Variants in OCIAD1 observed in about 807,000 individuals in gnomAD.
The protein encoded by OCIAD1 is OCIA domain containing 1.
Under a neutral mutation model 38.9 loss-of-function variants are expected in OCIAD1, and 29 were observed. The ratio of observed to expected loss-of-function variants is 0.74; its 90% CI spans 0.55 to 1.02. OCIAD1 has a LOEUF of 1.02. OCIAD1 is among the 50% of genes least tolerant of loss of function. The pLI is 0.00. For missense variants in OCIAD1, 288 were observed against 289.6 expected, an observed-to-expected ratio of 0.99 and a Z score of 0.04; for synonymous variants, 110 against 92.0, an observed-to-expected ratio of 1.20 and a Z score of -1.12.
At chr4:48,854,012 A>G (rs1286336764) in intron 7 of OCIAD1, among the ~76,000 whole-genome samples, 1 of 152,088 alleles carries the variant, frequency 6.6e-6, no homozygotes, top group Non-Finnish European at 1.5e-5. Context: ...AAGGAAGGGA[A>G]TGGGCAGATT....
intron 4 of OCIAD1, among the ~76,000 whole-genome samples, chr4:48,846,090 G>A (rs1778956963): frequency 6.6e-6 from 1 of 152,232 alleles, no homozygotes; most frequent in Non-Finnish European, 1.5e-5. Flanking sequence ...TTCCATGAGA[G>A]TAAAGAGTGT....
Position 48,842,667 on chromosome 4 carries a change from T to A in OCIAD1, c.171T>A (p.Ile57=). The A allele has an allele frequency of 6.4e-7, 1 of 1,569,184 alleles. No homozygotes were observed. The highest frequency in any genetic ancestry group is 8.6e-7 in the Non-Finnish European group (1 of 1,156,356). Residue 57 remains isoleucine, a synonymous_variant, in exon 4 of 9, where the codon ATT becomes ATA. Coordinates refer to ENST00000264312, the MANE Select transcript of OCIAD1 (RefSeq NM_017830.4). ...SVPLAATSML[I]TQGLISKGIL... is the part of the protein sequence containing the mutation. ...CTTTGGCTGCAACAAGTATGTTGAT[T>A]ACTCAAGGATTAATTAGTAAAGGTA...
chr4:48,833,350 CTAGTTTTAT>C (rs764957637), intron 2 of OCIAD1, 42 bp from the exon 3 acceptor site: 20 of 1,083,542 alleles, frequency 1.8e-5, no homozygotes, highest in Non-Finnish European at 2.5e-5. Flanking sequence ...TTTTTCAGAC[CTAGTTTTAT>C]TATGGATAAT....
intron 1 of OCIAD1, chr4:48,831,531 G>A (rs1777496924): frequency 5.1e-5 from 66 of 1,290,606 alleles, no homozygotes; most frequent in Non-Finnish European, 6.5e-5. Flanking sequence ...GATGGAGTGC[G>A]GTAATCAGCG....
At chr4:48,831,078 C>A, upstream of OCIAD1, 1 of 237,702 alleles carries the variant, frequency 4.2e-6, no homozygotes, top group Non-Finnish European at 8.6e-6. Flanking sequence ...CTCCGGGTCG[C>A]GGTCATTTTG....
chr4:48,853,214 A>G (rs1779700554), intron 7 of OCIAD1, among the ~76,000 whole-genome samples: 1 of 152,042 alleles, frequency 6.6e-6, no homozygotes, highest in South Asian at 2.1e-4. Context: ...TGGTAATAAA[A>G]TCTGACCTGA....
intron 6 of OCIAD1, among the ~76,000 whole-genome samples, chr4:48,850,334 C>G (rs1215137429): frequency 1.3e-5 from 2 of 152,208 alleles, no homozygotes; most frequent in South Asian, 2.1e-4. Context: ...TCCTAGCTCA[C>G]TGCAGCCTCA....
At chr4:48,809,440 T>G (rs926675595) in intron 1 of OCIAD1, among the ~76,000 whole-genome samples, 1 of 152,056 alleles carries the variant, frequency 6.6e-6, no homozygotes, top group Admixed American at 6.6e-5. Context: ...CAGGGAGTAC[T>G]GCTTGAACCC....
Position 48,849,952 on chromosome 4 carries a change from T to A in OCIAD1, c.247T>A (p.Cys83Ser). 1 of 1,602,008 alleles carries A rather than the reference T, an allele frequency of 6.2e-7. No individual in the cohort carries two copies. Among genetic ancestry groups the A allele is most frequent in the Non-Finnish European group, 8.5e-7 (1 of 1,176,666 alleles). Residue 83 changes from cysteine (C) to serine (S), a missense_variant, in exon 6 of 9, where the codon TGT becomes AGT. Coordinates refer to ENST00000264312, the MANE Select transcript of OCIAD1 (RefSeq NM_017830.4). ...TGTTTGATTTTACAAATAAGTTGCTTGTATCATGGGATACTTTGCTGGAAA... is the reference window on the plus strand; with the variant it reads ...TGTTTGATTTTACAAATAAGTTGCTAGTATCATGGGATACTTTGCTGGAAA... Reference protein sequence around the residue: ...YGSIPKLILACIMGYFAGKLS... With the variant: ...YGSIPKLILASIMGYFAGKLS...
At chr4:48,841,921 AGT>A (rs376787607) in intron 3 of OCIAD1, among the ~76,000 whole-genome samples, 45 of 152,334 alleles carry the variant, frequency 3.0e-4, no homozygotes, top group African/African-American at 1.1e-3. Context: ...AAAGAACATA[AGT>A]GTTTAAAATA....
intron 2 of OCIAD1, 56 bp downstream of exon 2, chr4:48,832,738 C>A: frequency 7.5e-7 from 1 of 1,326,664 alleles, no homozygotes; most frequent in Non-Finnish European, 1.1e-6. Flanking sequence ...AAGGAATTTT[C>A]ACTGCCTTGA....
chr4:48,828,031 C>T (rs113687935), upstream of OCIAD1, among the ~76,000 whole-genome samples: 80 of 152,224 alleles, frequency 5.3e-4, no homozygotes, highest in African/African-American at 1.7e-3. Context: ...CCAATCAGCA[C>T]TCTTTGTCTA....
intron 1 of OCIAD1, among the ~76,000 whole-genome samples, chr4:48,810,330 G>T (rs1392588761): frequency 6.6e-6 from 1 of 151,738 alleles, no homozygotes; most frequent in Non-Finnish European, 1.5e-5. Context: ...TTAGCCGGGC[G>T]CGGTGGCGGG....
rs565175871 is a variant in OCIAD1 at position 48,812,434 on chromosome 4, C to T, written c.-103+7104C>T. On this transcript the variant is annotated intron_variant, in intron 1 of 6. Coordinates refer to the OCIAD1 transcript ENST00000504654. ...CAAGGCCTGTCTGAGTCAAAGTGCA[C>T]CCCAAAATTTGGAAATCAGAAAGAC... 6.7e-5 allele frequency among the ~76,000 whole-genome samples: 10 copies of T among 150,044 alleles called. No homozygotes were observed. In the East Asian group the frequency reaches 1.2e-3, roughly 18 times the overall value.
At chr4:48,858,872 C>T (rs1304052870) in intron 8 of OCIAD1, among the ~76,000 whole-genome samples, 1 of 152,114 alleles carries the variant, frequency 6.6e-6, no homozygotes, top group Non-Finnish European at 1.5e-5. Context: ...ATACATTAGC[C>T]AAAGTAAATT....
In OCIAD1 at chr4:48,833,471, C is replaced by G; in HGVS notation, c.129C>G (p.Phe43Leu). The G allele has an allele frequency of 6.3e-7, 1 of 1,594,862 alleles. No homozygotes were observed. The highest frequency in any genetic ancestry group is 8.6e-7 in the Non-Finnish European group (1 of 1,164,204). ...TCGCAGAATGCAATGATGAAAGCTT[C>G]TGGTTCAGATGTGAGTTCAATTTTC... ...RVFAECNDESFWFRSVPLAAT... is the reference protein window; with the variant it reads ...RVFAECNDESLWFRSVPLAAT... The change falls in exon 3 of 9, where the codon TTC becomes TTG. Residue 43 changes from phenylalanine (F) to leucine (L), a missense_variant. By Grantham distance (22) the Phe-to-Leu change is conservative (BLOSUM62 0). Coordinates refer to ENST00000264312, the MANE Select transcript of OCIAD1 (RefSeq NM_017830.4).
At chr4:48,821,455 G>A (rs1169920688) in intron 1 of OCIAD1, among the ~76,000 whole-genome samples, 2 of 152,184 alleles carry the variant, frequency 1.3e-5, no homozygotes, top group Admixed American at 6.5e-5. Context: ...TACTGAATGG[G>A]CAAAAGCTGG....
upstream of OCIAD1, among the ~76,000 whole-genome samples, chr4:48,829,999 A>C (rs767545770): frequency 6.6e-6 from 1 of 152,252 alleles, no homozygotes; most frequent in Non-Finnish European, 1.5e-5. Flanking sequence ...GTGGTGATGT[A>C]AAAGCAGAAT....
chr4:48,808,621 T>G (rs1777054856), intron 1 of OCIAD1, among the ~76,000 whole-genome samples: 1 of 152,190 alleles, frequency 6.6e-6, no homozygotes, highest in Non-Finnish European at 1.5e-5. Context: ...TTCCTCCACA[T>G]GAAAACATAG....
Sources: allele counts gnomAD v4.1 joint callset (sites outside exome capture counted in the v4.1 genomes callset), GRCh38; gene constraint gnomAD v4.1.1; transcripts MANE v1.5; gene names NCBI Gene and HGNC (gene_info 2026-07-23, HGNC 2026-07-21).